TLN2: variants seen among roughly 807,000 people sequenced by gnomAD.
TLN2 encodes the protein talin-2.
A neutral mutation model predicts 294.7 loss-of-function variants in TLN2; 118 were observed. The observed-to-expected ratio is 0.40, with a 90% CI of 0.34 to 0.47. TLN2 has a LOEUF of 0.47. Among genes scored for constraint, TLN2 ranks in the 20% least tolerant of loss-of-function variants. TLN2 has a pLI of 0.84. For synonymous variants in TLN2, 1,431 were observed against 1,304.5 expected (o/e 1.10, Z -2.09); for missense variants, 3,083 against 3,282.2 (o/e 0.94, Z 1.48).
chr15:62,825,167 G>C (rs549608741), intron 54 of TLN2, among the ~76,000 whole-genome samples: 3 of 152,298 alleles, frequency 2.0e-5, no homozygotes, highest in Non-Finnish European at 2.9e-5. Context: ...CAGGTGCTCT[G>C]TCAGGCGGGT....
At chr15:62,701,264 T>G in intron 17 of TLN2, 50 bp downstream of exon 17, 2 of 1,422,538 alleles carry the variant, frequency 1.4e-6, no homozygotes, top group Non-Finnish European at 1.9e-6. Context: ...TTAAAAGCTG[T>G]GTTTTTTTTT....
At position 62,692,853 on chromosome 15, in the gene TLN2, A is replaced by G; in HGVS notation, c.1127A>G (p.Tyr376Cys). ...CTGTCTTTTCAGGATTTTGGGGAGT[A>G]TCAGGAAAGCTACTATTCAGTACAA... Reference protein sequence around the residue: ...PKSFTLDFGEYQESYYSVQTT... With the variant: ...PKSFTLDFGECQESYYSVQTT... The change falls in exon 13 of 59, where the codon TAT becomes TGT. Residue 376 changes from tyrosine to cysteine, a missense_variant. Transcript: ENST00000636159. 1 of 1,613,498 alleles carries G rather than the reference A, an allele frequency of 6.2e-7. No individual in the cohort carries two copies. Among genetic ancestry groups the G allele is most frequent in the Non-Finnish European group, 8.5e-7 (1 of 1,179,854 alleles).
intron 15 of TLN2, among the ~76,000 whole-genome samples, chr15:62,698,467 C>T (rs935250562): frequency 6.6e-6 from 1 of 152,208 alleles, no homozygotes; most frequent in African/African-American, 2.4e-5. Flanking sequence ...CACCCCAGTT[C>T]CCCAGCAAGG....
At chr15:62,488,911 G>A (rs868272190) in intron 1 of TLN2, among the ~76,000 whole-genome samples, 2 of 152,114 alleles carry the variant, frequency 1.3e-5, no homozygotes, top group Non-Finnish European at 2.9e-5. Flanking sequence ...GCCTGTAATC[G>A]CAGCACTTTG....
In TLN2 at chr15:62,642,705, T is replaced by G. The variant is rs533632159; in HGVS notation, c.-36-4570T>G. On this transcript the variant is annotated intron_variant, in intron 3 of 58. Coordinates refer to ENST00000636159, the MANE Select transcript of TLN2 (RefSeq NM_015059.3). ...TTGTTTGTTTGTTTGTTTTCTGTTTTTTTTTTTTTTGAGACAGAGTCTTGC... is the reference window on the plus strand; with the variant it reads ...TTGTTTGTTTGTTTGTTTTCTGTTTGTTTTTTTTTTGAGACAGAGTCTTGC... Among the ~76,000 whole-genome samples the G allele has an allele frequency of 2.5e-4, 38 of 151,618 alleles. 1 individual carries two copies. Among genetic ancestry groups the G allele is most frequent in the African/African-American group, 9.2e-4 (38 of 41,358 alleles).
At chr15:62,588,952 A>G (rs1384150006) in intron 1 of TLN2, among the ~76,000 whole-genome samples, 1 of 151,604 alleles carries the variant, frequency 6.6e-6, no homozygotes, top group African/African-American at 2.4e-5. Flanking sequence ...AGAGATGTAG[A>G]GTTTTCTTTC....
At chr15:62,642,133 T>C (rs1257167326) in intron 3 of TLN2, among the ~76,000 whole-genome samples, 1 of 152,146 alleles carries the variant, frequency 6.6e-6, no homozygotes, top group East Asian at 1.9e-4. Context: ...ACACATACAA[T>C]GAGGGCAGAA....
intron 8 of TLN2, 53 bp from the exon 9 acceptor site, chr15:62,657,718 G>C (rs1188659758): frequency 1.3e-6 from 2 of 1,588,108 alleles, no homozygotes; most frequent in African/African-American, 2.7e-5. Flanking sequence ...TCAGTGGAGA[G>C]AACGTGTCAC....
intron 50 of TLN2, 29 bp from the exon 51 acceptor site, chr15:62,805,571 T>C (rs898221018): frequency 3.8e-6 from 6 of 1,561,190 alleles, no homozygotes; most frequent in South Asian, 1.2e-5. Context: ...CTTTTTGATT[T>C]TTTTAACCTC....
chr15:62,727,113 A>T lies in TLN2; in HGVS notation c.3282A>T (p.Gly1094=). 1 of 1,614,168 alleles carries T rather than the reference A, an allele frequency of 6.2e-7. No homozygotes were observed. Among genetic ancestry groups the T allele is most frequent in the South Asian group, 1.1e-5 (1 of 91,078 alleles). The stretch of plus-strand genomic sequence containing the variant: ...TGGAAAAATGTGCTCAGGACCTGGG[A>T]AGCACATCCAAGGCGGTGGGCTCCT... ...ETLEKCAQDL[G]STSKAVGSSM... Residue 1094 remains glycine, a synonymous_variant, in exon 28 of 59, where the codon GGA becomes GGT. Coordinates refer to ENST00000636159, the MANE Select transcript of TLN2 (RefSeq NM_015059.3).
intron 1 of TLN2, among the ~76,000 whole-genome samples, chr15:62,431,826 G>A (rs1256110258): frequency 6.6e-6 from 1 of 152,200 alleles, no homozygotes; most frequent in African/African-American, 2.4e-5. Flanking sequence ...TTAATTCTAT[G>A]CCTCTGTGCA....
At chr15:62,487,160 A>G (rs2038443974) in intron 1 of TLN2, among the ~76,000 whole-genome samples, 1 of 152,230 alleles carries the variant, frequency 6.6e-6, no homozygotes, top group South Asian at 2.1e-4. Flanking sequence ...ATGATGGTCC[A>G]GGCTGCTGTC....
At chr15:62,426,636 G>C (rs983900724) in intron 1 of TLN2, among the ~76,000 whole-genome samples, 1 of 152,234 alleles carries the variant, frequency 6.6e-6, no homozygotes, top group Non-Finnish European at 1.5e-5. Context: ...ATCACTGGGG[G>C]CCCCGGGTGT....
chr15:62,487,897 C>A (rs1050716552), intron 1 of TLN2, among the ~76,000 whole-genome samples: 2 of 150,822 alleles, frequency 1.3e-5, no homozygotes, highest in Non-Finnish European at 2.9e-5. Context: ...AGTGAGAATC[C>A]GTCTCAAAAA....
chr15:62,767,943 A>G (rs894085618), intron 41 of TLN2, among the ~76,000 whole-genome samples: 13 of 151,358 alleles, frequency 8.6e-5, no homozygotes, highest in Non-Finnish European at 1.9e-4. Context: ...CAAAAGAAAC[A>G]TAATATATTT....
intron 2 of TLN2, among the ~76,000 whole-genome samples, chr15:62,606,219 C>A (rs2047426554): frequency 6.6e-6 from 1 of 151,174 alleles, no homozygotes; most frequent in Admixed American, 6.6e-5. Flanking sequence ...GCAGCTGGGA[C>A]TATAGGCACC....
intron 39 of TLN2, among the ~76,000 whole-genome samples, chr15:62,763,063 G>T (rs1336604794): frequency 6.6e-6 from 1 of 152,124 alleles, no homozygotes; most frequent in Non-Finnish European, 1.5e-5. Flanking sequence ...AGTTGCTTTT[G>T]AAGCTCAAAA....
intron 28 of TLN2, 116 bp from the exon 29 acceptor site, chr15:62,736,762 A>G: frequency 8.9e-7 from 1 of 1,128,946 alleles, no homozygotes; most frequent in Admixed American, 2.7e-5. Context: ...AAATTTTATG[A>G]AGACTAATCT....
intron 1 of TLN2, among the ~76,000 whole-genome samples, chr15:62,549,648 TA>T (rs1252468921): frequency 6.6e-6 from 1 of 152,178 alleles, no homozygotes; most frequent in African/African-American, 2.4e-5. Flanking sequence ...ATTTTGAATT[TA>T]TGTGGTATAT....
Sources: allele counts gnomAD v4.1 joint callset (sites outside exome capture counted in the v4.1 genomes callset), GRCh38; gene constraint gnomAD v4.1.1; transcripts MANE v1.5; gene names NCBI Gene and HGNC (gene_info 2026-07-23, HGNC 2026-07-21).